MRPS31: variants seen among roughly 807,000 people sequenced by gnomAD.
The protein encoded by MRPS31 is mitochondrial ribosomal protein S31.
In MRPS31, 32 loss-of-function variants were observed where a neutral mutation model predicts 43.1. The observed-to-expected ratio is 0.74, with a 90% confidence interval of 0.56 to 1.00. MRPS31 has a LOEUF of 1.00. Ranked by LOEUF, MRPS31 falls within the 50% of genes least tolerant of loss-of-function variation. MRPS31 has a pLI of 0.00. For missense variants in MRPS31, 437 were observed against 466.7 expected (o/e 0.94, Z 0.59); for synonymous variants, 165 against 161.6 (o/e 1.02, Z -0.16).
chr13:40,769,886 A>G (rs1228011028), intron 1 of MRPS31, among the ~76,000 whole-genome samples: 1 of 152,150 alleles, frequency 6.6e-6, no homozygotes, highest in African/African-American at 2.4e-5. Flanking sequence ...GTTTGTTTCC[A>G]CTGACAGCAG....
chr13:40,734,915 T>C (rs996101076), intron 6 of MRPS31, among the ~76,000 whole-genome samples: 2 of 152,016 alleles, frequency 1.3e-5, no homozygotes, highest in African/African-American at 4.8e-5. Flanking sequence ...CAAATAACGC[T>C]AGGCGGGGGA....
chr13:40,729,253 C>T lies in MRPS31; in HGVS notation c.*119G>A, dbSNP rs1879590118. 1.7e-6 allele frequency: 1 copy of T among 591,342 alleles called. No individual in the cohort carries two copies. Among genetic ancestry groups the T allele is most frequent in the Non-Finnish European group, 2.9e-6 (1 of 348,852 alleles). 36.6% of individuals were successfully genotyped at this position (591,342 alleles called of 1,614,324 possible). On this transcript the variant is annotated 3_prime_UTR_variant, in exon 7 of 7. Transcript: ENST00000323563. ...CATCATATTTTTGAAAACAATGTAA[C>T]ATTTATACCAGCCAAATCAAATGTA...
intron 6 of MRPS31, among the ~76,000 whole-genome samples, chr13:40,739,793 A>G (rs1256825443): frequency 6.6e-6 from 1 of 151,494 alleles, no homozygotes; most frequent in African/African-American, 2.4e-5. Flanking sequence ...TCAATTCAAG[A>G]TGGATTAAAG....
chr13:40,742,494 A>G (rs1480668996), intron 6 of MRPS31, among the ~76,000 whole-genome samples: 1 of 152,158 alleles, frequency 6.6e-6, no homozygotes, highest in Non-Finnish European at 1.5e-5. Flanking sequence ...GCTCCTGTTC[A>G]CAGGCCATAA....
chr13:40,738,283 G>A (rs1012515664), intron 6 of MRPS31, among the ~76,000 whole-genome samples: 1 of 152,136 alleles, frequency 6.6e-6, no homozygotes, highest in Non-Finnish European at 1.5e-5. Context: ...ATCTGAAATT[G>A]TGGCAATGAT....
chr13:40,765,790 C>T (rs530093158), intron 2 of MRPS31, among the ~76,000 whole-genome samples: 1 of 152,300 alleles, frequency 6.6e-6, no homozygotes, highest in African/African-American at 2.4e-5. Context: ...TAGCTTACTA[C>T]TTGAATTAAT....
intron 6 of MRPS31, among the ~76,000 whole-genome samples, chr13:40,738,054 G>GA (rs1464011961): frequency 6.6e-6 from 1 of 151,526 alleles, no homozygotes; most frequent in South Asian, 2.1e-4. Context: ...GACTAATAAA[G>GA]AAAAAAAGAG....
At chr13:40,763,905 G>C (rs2138017233) in intron 2 of MRPS31, among the ~76,000 whole-genome samples, 1 of 152,264 alleles carries the variant, frequency 6.6e-6, no homozygotes, top group African/African-American at 2.4e-5. Context: ...TAAGTGTACT[G>C]GCCAAGAGCC....
At chr13:40,758,412 T>C (rs1880596384) in intron 3 of MRPS31, among the ~76,000 whole-genome samples, 1 of 152,178 alleles carries the variant, frequency 6.6e-6, no homozygotes, top group African/African-American at 2.4e-5. Context: ...TGAGAACAAC[T>C]GATTTAGATC....
chr13:40,770,300 C>G (rs1880971365), intron 1 of MRPS31, among the ~76,000 whole-genome samples: 1 of 152,122 alleles, frequency 6.6e-6, no homozygotes, highest in Non-Finnish European at 1.5e-5. Context: ...ATTTATGCAG[C>G]GGAATTAGGT....
chr13:40,736,803 A>G (rs1313066734), intron 6 of MRPS31, among the ~76,000 whole-genome samples: 3 of 149,408 alleles, frequency 2.0e-5, no homozygotes, highest in African/African-American at 4.9e-5. Context: ...GAAAGGAACA[A>G]CCGGTACCAG....
intron 2 of MRPS31, among the ~76,000 whole-genome samples, chr13:40,764,436 T>C (rs1351558016): frequency 3.3e-5 from 5 of 152,186 alleles, no homozygotes; most frequent in Non-Finnish European, 5.9e-5. Flanking sequence ...GGACCAACTG[T>C]ATATTGCTCC....
At chr13:40,729,696 T>A in intron 6 of MRPS31, 95 bp from the exon 7 acceptor site, 1 of 852,540 alleles carries the variant, frequency 1.2e-6, no homozygotes, top group African/African-American at 1.7e-5. Flanking sequence ...TATTACAGTT[T>A]AAGGCATGAA....
chr13:40,762,645 G>A (rs1880730487), intron 2 of MRPS31, among the ~76,000 whole-genome samples: 1 of 151,654 alleles, frequency 6.6e-6, no homozygotes, highest in African/African-American at 2.4e-5. Flanking sequence ...TATGTTGGCA[G>A]GGCTGGTCTT....
At chr13:40,746,762 A>C (rs927094419) in intron 6 of MRPS31, among the ~76,000 whole-genome samples, 25 of 152,206 alleles carry the variant, frequency 1.6e-4, no homozygotes, top group African/African-American at 6.0e-4. Context: ...TATAAAGTAA[A>C]ATTTTGAAAA....
intron 6 of MRPS31, among the ~76,000 whole-genome samples, chr13:40,744,973 G>A (rs1251499537): frequency 6.6e-6 from 1 of 151,224 alleles, no homozygotes; most frequent in African/African-American, 2.4e-5. Flanking sequence ...CTAGACTGGA[G>A]TGCAGTGGCG....
At chr13:40,765,536 A>C (rs903574450) in intron 2 of MRPS31, among the ~76,000 whole-genome samples, 1 of 152,100 alleles carries the variant, frequency 6.6e-6, no homozygotes, top group Non-Finnish European at 1.5e-5. Context: ...ATTTATTTCC[A>C]TATACTTATA....
At chr13:40,741,546 T>C (rs1330858521) in intron 6 of MRPS31, among the ~76,000 whole-genome samples, 1 of 152,144 alleles carries the variant, frequency 6.6e-6, no homozygotes, top group East Asian at 1.9e-4. Context: ...ACTGATATCA[T>C]TTTTTACCCA....
chr13:40,733,480 C>T (rs1208811199), intron 6 of MRPS31, among the ~76,000 whole-genome samples: 1 of 152,118 alleles, frequency 6.6e-6, no homozygotes, highest in Non-Finnish European at 1.5e-5. Flanking sequence ...AATGAAGTTA[C>T]TGGATTAAAA....
Sources: gnomAD v4.1 joint callset for allele counts (sites outside exome capture counted in the v4.1 genomes callset) on GRCh38, gnomAD v4.1.1 for gene constraint, MANE v1.5 for transcripts, NCBI Gene and HGNC (gene_info 2026-07-23, HGNC 2026-07-21) for gene names.